The following NHS variants were observed in gnomAD, a reference collection of about 807,000 sequenced individuals.
NHS encodes NHS actin remodeling regulator.
NHS carries 5 observed loss-of-function variants against 72.5 expected under a neutral mutation model. The ratio of observed to expected loss-of-function variants is 0.07; its 90% confidence interval spans 0.04 to 0.14. The LOEUF is 0.14. NHS is among the 10% of genes least tolerant of loss of function. The probability of loss-of-function intolerance (pLI) is 1.00; values close to 1 mark genes in which losing one functional copy is unlikely to be tolerated. For missense variants in NHS, 1,072 were observed against 1,355.7 expected (o/e 0.79, Z 3.29); for synonymous variants, 464 against 547.7 (o/e 0.85, Z 2.13).
chrX:17,629,124 A>T (rs1158425976), intron 1 of NHS, among the ~76,000 whole-genome samples: 1 of 111,896 alleles, frequency 8.9e-6, no homozygotes, highest in Non-Finnish European at 1.9e-5. Context: ...AACAACAACT[A>T]AATGCCTGAA....
Position 17,725,753 on chromosome X carries a change from A to C in NHS, c.1647A>C (p.Pro549=), listed in dbSNP as rs984203417. ...CCCCTAATGATTTCAGTGAGGCTCCAAGCAGCCCGAGTGCCCAGGACCACC... is the reference window on the plus strand; with the variant it reads ...CCCCTAATGATTTCAGTGAGGCTCCCAGCAGCCCGAGTGCCCAGGACCACC... The part of the protein sequence containing the change: ...ERTPNDFSEA[P]SSPSAQDHQP... Residue 549 remains proline, a synonymous_variant, in exon 7 of 9, where the codon CCA becomes CCC. Transcript: ENST00000676302. The C allele has an allele frequency of 8.3e-7, 1 of 1,209,157 alleles. No homozygotes were observed. Among genetic ancestry groups the C allele is most frequent in the Non-Finnish European group, 1.1e-6 (1 of 895,040 alleles).
At chrX:17,712,751 G>A (rs2066342346) in intron 3 of NHS, among the ~76,000 whole-genome samples, 1 of 109,869 alleles carries the variant, frequency 9.1e-6, no homozygotes, top group African/African-American at 3.3e-5. Context: ...CCTTGAAGCT[G>A]GCTGAAAGGT....
chrX:17,530,691 A>G (rs758021562), intron 1 of NHS, among the ~76,000 whole-genome samples: 2 of 112,282 alleles, frequency 1.8e-5, no homozygotes, highest in East Asian at 5.6e-4. Flanking sequence ...TGTTTCAACA[A>G]TCCTATTAAA....
chrX:17,521,754 T>G (rs2065149941), intron 1 of NHS, among the ~76,000 whole-genome samples: 1 of 112,525 alleles, frequency 8.9e-6, no homozygotes, highest in Admixed American at 9.4e-5. Context: ...GTCTGCTCAA[T>G]TTTTGCTGCT....
intron 1 of NHS, among the ~76,000 whole-genome samples, chrX:17,668,520 C>T (rs1345815679): frequency 1.8e-5 from 2 of 111,133 alleles, no homozygotes; most frequent in African/African-American, 6.6e-5. Flanking sequence ...CAAGATCTGA[C>T]CTTGGGTCCT....
At chrX:17,569,730 T>C (rs111362327) in intron 1 of NHS, among the ~76,000 whole-genome samples, 6,448 of 111,634 alleles carry the variant, frequency 0.058, 441 homozygotes, top group African/African-American at 0.2. Context: ...GTTTTAGACA[T>C]GAAGTCCTTG....
chrX:17,579,368 G>T (rs1418702530), intron 1 of NHS, among the ~76,000 whole-genome samples: 2 of 111,234 alleles, frequency 1.8e-5, no homozygotes, highest in Admixed American at 9.6e-5. Flanking sequence ...GGAACTTTCT[G>T]TAGGCATTTT....
intron 4 of NHS, among the ~76,000 whole-genome samples, chrX:17,720,798 C>T (rs1438513273): frequency 8.9e-6 from 1 of 112,616 alleles, no homozygotes; most frequent in Admixed American, 9.4e-5. Flanking sequence ...CCCCCAGTAA[C>T]AGCATGTGTA....
chrX:17,728,133 C>G lies in NHS; in HGVS notation c.4027C>G (p.Gln1343Glu). Residue 1343 changes from glutamine to glutamate, a missense_variant, in exon 7 of 9, where the codon CAA (glutamine) becomes GAA (glutamate). Coordinates refer to ENST00000676302, the MANE Select transcript of NHS (RefSeq NM_001291867.2). Reference protein sequence around the residue: ...ATDVSNQFKHQFVMSRHHDKV... With the variant: ...ATDVSNQFKHEFVMSRHHDKV... ...AGATGTAAGCAATCAATTTAAGCAT[C>G]AATTTGTTATGAGCCGCCACCATGA... 10 of 1,211,777 alleles carry G rather than the reference C, an allele frequency of 8.3e-6. No individual in the cohort carries two copies. Among genetic ancestry groups the G allele is most frequent in the Non-Finnish European group, 1.1e-5 (10 of 895,525 alleles).
At chrX:17,458,410 G>T (rs891158281) in intron 1 of NHS, among the ~76,000 whole-genome samples, 2 of 110,975 alleles carry the variant, frequency 1.8e-5, no homozygotes, top group African/African-American at 6.6e-5. Flanking sequence ...TTTATTTTTA[G>T]TAGAGATGGG....
chrX:17,575,104 C>G (rs1468443407), intron 1 of NHS, among the ~76,000 whole-genome samples: 1 of 112,793 alleles, frequency 8.9e-6, no homozygotes, highest in Non-Finnish European at 1.9e-5. Context: ...TAGCAGCTGC[C>G]TCCTTCCTGG....
intron 1 of NHS, among the ~76,000 whole-genome samples, chrX:17,680,495 CACAA>C (rs1003385402): frequency 7.9e-5 from 9 of 113,312 alleles, no homozygotes; most frequent in African/African-American, 2.2e-4. Context: ...CATACACACA[CACAA>C]ACACACACGT....
At chrX:17,608,477 G>T (rs1476265397) in intron 1 of NHS, among the ~76,000 whole-genome samples, 1 of 111,683 alleles carries the variant, frequency 9.0e-6, no homozygotes, top group East Asian at 2.8e-4. Flanking sequence ...GGAGGTAAGA[G>T]AAAGGGCAGG....
chrX:17,716,962 CTT>C (rs768134707), intron 3 of NHS, among the ~76,000 whole-genome samples: 3 of 95,461 alleles, frequency 3.1e-5, no homozygotes, highest in Admixed American at 1.2e-4. Context: ...TCCCCTTACT[CTT>C]TTTTTTTTTT....
At chrX:17,537,519 A>G (rs941435237) in intron 1 of NHS, among the ~76,000 whole-genome samples, 12 of 112,661 alleles carry the variant, frequency 1.1e-4, no homozygotes, top group African/African-American at 3.5e-4. Context: ...CTTCTCAAAA[A>G]TCAGACACTT....
intron 1 of NHS, among the ~76,000 whole-genome samples, chrX:17,609,542 G>A (rs1001874290): frequency 1.8e-5 from 2 of 111,937 alleles, no homozygotes; most frequent in African/African-American, 6.5e-5. Context: ...ATATTATGAA[G>A]GGCTTCCAAT....
chrX:17,682,608 C>G (rs769593631), intron 1 of NHS, among the ~76,000 whole-genome samples: 1 of 111,600 alleles, frequency 9.0e-6, no homozygotes, highest in East Asian at 2.8e-4. Context: ...GTGCATTTTT[C>G]TGAAAATTTC....
intron 1 of NHS, among the ~76,000 whole-genome samples, chrX:17,637,966 G>A (rs2065859546): frequency 8.9e-6 from 1 of 112,169 alleles, no homozygotes; most frequent in African/African-American, 3.2e-5. Context: ...ACCAGGGATA[G>A]GATGGTCTTC....
chrX:17,648,398 G>A (rs899403003), intron 1 of NHS, among the ~76,000 whole-genome samples: 45 of 112,064 alleles, frequency 4.0e-4, no homozygotes, highest in Middle Eastern at 4.6e-3. Context: ...GCTTCTTGAG[G>A]CCCAGGCTCA....
Sources: gnomAD v4.1 joint callset for allele counts (sites outside exome capture counted in the v4.1 genomes callset) on GRCh38, gnomAD v4.1.1 for gene constraint, MANE v1.5 for transcripts, NCBI Gene and HGNC (gene_info 2026-07-23, HGNC 2026-07-21) for gene names.